The following SCAMP1 variants were observed in gnomAD, a reference collection of about 807,000 sequenced individuals.
SCAMP1 encodes secretory carrier membrane protein 1.
SCAMP1 carries 15 observed loss-of-function variants against 41.8 expected under a neutral mutation model. The observed-to-expected ratio is 0.36, with a 90% CI of 0.24 to 0.55. The LOEUF is 0.55. SCAMP1 is among the 20% of genes least tolerant of loss of function. The pLI, the probability that SCAMP1 is intolerant of heterozygous loss-of-function variation, is 0.86. For missense variants in SCAMP1, 341 were observed against 412.6 expected (o/e 0.83, Z 1.50); for synonymous variants, 135 against 136.8 (o/e 0.99, Z 0.09).
intron 2 of SCAMP1, among the ~76,000 whole-genome samples, chr5:78,392,735 CATG>C (rs1226115107): frequency 6.6e-6 from 1 of 152,164 alleles, no homozygotes; most frequent in Non-Finnish European, 1.5e-5. Flanking sequence ...GCACTGTTAA[CATG>C]ATGGAAAACA....
intron 1 of SCAMP1, among the ~76,000 whole-genome samples, chr5:78,365,757 T>C (rs1750779897): frequency 6.6e-6 from 1 of 152,234 alleles, no homozygotes; most frequent in Non-Finnish European, 1.5e-5. Flanking sequence ...TCCATTTTGT[T>C]TTGGCCTCAA....
At chr5:78,465,141 G>A (rs1753713891) in intron 8 of SCAMP1, among the ~76,000 whole-genome samples, 1 of 151,976 alleles carries the variant, frequency 6.6e-6, no homozygotes, top group Non-Finnish European at 1.5e-5. Flanking sequence ...CTGTTTTCTT[G>A]GGGAAACTTA....
At chr5:78,473,305 TCATGCATTAA>T (rs2112257545) in intron 8 of SCAMP1, among the ~76,000 whole-genome samples, 1 of 152,274 alleles carries the variant, frequency 6.6e-6, no homozygotes, top group Admixed American at 6.5e-5. Flanking sequence ...TGATAGATTT[TCATGCATTAA>T]CTTGCTTTCT....
chr5:78,381,687 A>G (rs183193838), intron 1 of SCAMP1, among the ~76,000 whole-genome samples: 1 of 152,362 alleles, frequency 6.6e-6, no homozygotes, highest in East Asian at 1.9e-4. Flanking sequence ...ACTGTTGAGC[A>G]AGACTAAAGC....
chr5:78,402,593 C>T (rs999526965), intron 2 of SCAMP1, among the ~76,000 whole-genome samples: 1 of 152,082 alleles, frequency 6.6e-6, no homozygotes, highest in Non-Finnish European at 1.5e-5. Flanking sequence ...TAATAACTTT[C>T]TTTGCTTTGA....
chr5:78,419,151 A>G (rs1257551681), intron 5 of SCAMP1, among the ~76,000 whole-genome samples: 1 of 152,140 alleles, frequency 6.6e-6, no homozygotes, highest in African/African-American at 2.4e-5. Flanking sequence ...GGAAAAGACA[A>G]CTTCTCTGTC....
At chr5:78,438,742 G>T (rs1752833534) in intron 6 of SCAMP1, among the ~76,000 whole-genome samples, 1 of 152,220 alleles carries the variant, frequency 6.6e-6, no homozygotes, top group Admixed American at 6.5e-5. Context: ...GCTTGGTGCA[G>T]AGCTGAGTTC....
At chr5:78,416,321 G>T (rs1347596091) in intron 3 of SCAMP1, among the ~76,000 whole-genome samples, 1 of 151,988 alleles carries the variant, frequency 6.6e-6, no homozygotes, top group Non-Finnish European at 1.5e-5. Context: ...TCTCCTAATG[G>T]ACCCAACATT....
intron 6 of SCAMP1, among the ~76,000 whole-genome samples, chr5:78,444,194 G>C (rs1158653538): frequency 6.6e-6 from 1 of 152,136 alleles, no homozygotes; most frequent in African/African-American, 2.4e-5. Flanking sequence ...AATAAGACAA[G>C]AAAAGCACCT....
intron 8 of SCAMP1, among the ~76,000 whole-genome samples, chr5:78,463,432 A>G (rs953972137): frequency 2.0e-5 from 3 of 152,230 alleles, no homozygotes; most frequent in African/African-American, 4.8e-5. Flanking sequence ...CTCTACCTAG[A>G]TGACCTAGAA....
At chr5:78,404,718 A>G (rs1036910053) in intron 2 of SCAMP1, among the ~76,000 whole-genome samples, 19 of 152,122 alleles carry the variant, frequency 1.2e-4, no homozygotes, top group Admixed American at 5.2e-4. Context: ...ATAAGCCCCA[A>G]CAGGTTAGGC....
At chr5:78,443,653 CTTT>C (rs71613955) in intron 6 of SCAMP1, among the ~76,000 whole-genome samples, 16 of 71,958 alleles carry the variant, frequency 2.2e-4, no homozygotes, top group African/African-American at 8.1e-4. Flanking sequence ...AGTGGTTTTG[CTTT>C]TTTTTTTTTT....
chr5:78,451,530 G>C (rs1753225629), intron 7 of SCAMP1, among the ~76,000 whole-genome samples: 1 of 152,080 alleles, frequency 6.6e-6, no homozygotes, highest in Admixed American at 6.5e-5. Context: ...TTGTTGTTTT[G>C]TCATTTCAAG....
chr5:78,471,575 A>G (rs1478406470), intron 8 of SCAMP1, among the ~76,000 whole-genome samples: 2 of 152,154 alleles, frequency 1.3e-5, no homozygotes, highest in African/African-American at 2.4e-5. Flanking sequence ...ATGGTATTCT[A>G]TATGTTTTAA....
At position 78,421,767 on chromosome 5, in the gene SCAMP1, C is replaced by T. The variant is rs529832964; in HGVS notation, c.473-34C>T. ...ATGAATTCATAAATTGAATGTAAAT[C>T]TTTCTTTTTCTATTTTGTTTTCTGA... On this transcript the variant is annotated intron_variant, in intron 5 of 8. Transcript: ENST00000621999. 8.4e-6 allele frequency: 13 copies of T among 1,553,280 alleles called. No homozygotes were observed. The East Asian group carries it at 2.5e-4, about 30-fold the overall frequency.
intron 6 of SCAMP1, among the ~76,000 whole-genome samples, chr5:78,442,500 C>A (rs1752951678): frequency 6.6e-6 from 1 of 152,160 alleles, no homozygotes; most frequent in Non-Finnish European, 1.5e-5. Context: ...CTCAGGTGAT[C>A]TGCCTCCCTC....
chr5:78,453,891 A>G (rs1437686830), intron 7 of SCAMP1, among the ~76,000 whole-genome samples: 1 of 151,880 alleles, frequency 6.6e-6, no homozygotes, highest in African/African-American at 2.4e-5. Flanking sequence ...CTCCTTGAAG[A>G]GGTCCTTCAC....
At chr5:78,391,272 G>A (rs1344947898) in intron 2 of SCAMP1, among the ~76,000 whole-genome samples, 8 of 140,206 alleles carry the variant, frequency 5.7e-5, no homozygotes, top group African/African-American at 8.0e-5. Context: ...GCAGCTGGCC[G>A]GGCGGGGGGC....
intron 1 of SCAMP1, among the ~76,000 whole-genome samples, chr5:78,376,392 G>A (rs1399252239): frequency 6.6e-6 from 1 of 152,168 alleles, no homozygotes; most frequent in African/African-American, 2.4e-5. Context: ...TTTACAGGTA[G>A]CACAGGTGTA....
Sources: allele counts gnomAD v4.1 joint callset (sites outside exome capture counted in the v4.1 genomes callset), GRCh38; gene constraint gnomAD v4.1.1; transcripts MANE v1.5; gene names NCBI Gene and HGNC (gene_info 2026-07-23, HGNC 2026-07-21).